TOB2: variants seen among roughly 807,000 people sequenced by gnomAD.
TOB2 encodes protein Tob2.
In TOB2, 3 loss-of-function variants were observed where a neutral mutation model predicts 17.3. The observed-to-expected ratio is 0.17, with a 90% CI of 0.08 to 0.45. The LOEUF is 0.45. Among genes scored for constraint, TOB2 ranks in the 20% least tolerant of loss-of-function variants. The probability of loss-of-function intolerance (pLI) is 0.99; values close to 1 mark genes in which losing one functional copy is unlikely to be tolerated. For missense variants in TOB2, 407 were observed against 445.7 expected, an observed-to-expected ratio of 0.91 and a Z score of 0.78; for synonymous variants, 163 against 185.6, an observed-to-expected ratio of 0.88 and a Z score of 0.99.
intron 1 of TOB2, among the ~76,000 whole-genome samples, chr22:41,440,277 C>A (rs1045381430): frequency 3.4e-5 from 5 of 149,176 alleles, no homozygotes; most frequent in Admixed American, 2.0e-4. Context: ...ACCACCACTC[C>A]TGGCTAATTT....
chr22:41,442,107 A>G (rs1454586437), intron 1 of TOB2, among the ~76,000 whole-genome samples: 1 of 151,688 alleles, frequency 6.6e-6, no homozygotes, highest in South Asian at 2.1e-4. Flanking sequence ...AAAAAAAAAA[A>G]AAAGAAAAAA....
rs549311989 is a variant in TOB2, at chr22:41,436,499, G to A, written c.847C>T (p.Pro283Ser). 2 of 1,613,698 alleles carry A rather than the reference G, an allele frequency of 1.2e-6. No homozygotes were observed. The highest frequency in any genetic ancestry group is 2.2e-5 in the East Asian group (1 of 44,880). The change falls in exon 2 of 2, where the codon CCA becomes TCA. Residue 283 changes from proline (P) to serine (S), a missense_variant. By Grantham distance (74) the Pro-to-Ser change is moderately conservative. Coordinates refer to ENST00000327492, the MANE Select transcript of TOB2 (RefSeq NM_016272.4). This position sits in a 1 kb window ranked among gnomAD's most constrained non-coding sequence, Gnocchi z 4.8. The stretch of plus-strand genomic sequence containing the variant: ...GCCCCACTGCCTCCAAACGGGCCTG[G>A]GGTGCCGCTGCCCTGGCCATCGGCC... ...DAADGQGSGTPGPFGGSGAGT... is the reference protein window; with the variant it reads ...DAADGQGSGTSGPFGGSGAGT...
At chr22:41,439,227 G>C (rs1429482415) in intron 1 of TOB2, among the ~76,000 whole-genome samples, 1 of 152,178 alleles carries the variant, frequency 6.6e-6, no homozygotes, top group African/African-American at 2.4e-5. Flanking sequence ...CCAGACCTCT[G>C]GGCAAGGCTG....
intron 1 of TOB2, among the ~76,000 whole-genome samples, chr22:41,438,371 G>A (rs1463439501): frequency 3.9e-5 from 6 of 152,048 alleles, no homozygotes; most frequent in African/African-American, 1.4e-4. Context: ...GCTCATGCCT[G>A]TAATCCCAGC....
rs1321448662 is a variant in TOB2 at position 41,436,576 on chromosome 22, G to A, written c.770C>T (p.Ala257Val). 3 of 1,610,562 alleles carry A rather than the reference G, an allele frequency of 1.9e-6. No homozygotes were observed. Among genetic ancestry groups the A allele is most frequent in the African/African-American group, 2.7e-5 (2 of 75,030 alleles). Reference protein sequence around the residue: ...PAPQSQLSPNAKEFVYNGGGS... With the variant: ...PAPQSQLSPNVKEFVYNGGGS... ...ACCACCGTTGTACACGAACTCCTTG[G>A]CATTGGGTGAGAGCTGGGACTGAGG... is the stretch of plus-strand genomic sequence containing the variant. The change falls in exon 2 of 2, where the codon GCC becomes GTC. Residue 257 changes from alanine (A) to valine (V), a missense_variant. Transcript: ENST00000327492. The surrounding 1 kb of genome is among the most constrained non-coding windows in gnomAD (Gnocchi z 4.8).
At chr22:41,445,342 C>T (rs990882676) in intron 1 of TOB2, among the ~76,000 whole-genome samples, 2 of 152,208 alleles carry the variant, frequency 1.3e-5, no homozygotes, top group African/African-American at 2.4e-5. Context: ...CTTAATCCTT[C>T]CTCCCACACA....
At position 41,436,309 on chromosome 22, in the gene TOB2, G is replaced by A. The variant is rs2037546063; in HGVS notation, c.*2C>T. The A allele has an allele frequency of 1.3e-6, 2 of 1,554,350 alleles. No homozygotes were observed. The highest frequency in any genetic ancestry group is 1.7e-6 in the Non-Finnish European group (2 of 1,148,840). Reference sequence around the variant, plus strand: ...CTCCTGGCCCCACGGGCAGGTAGATGGTCAGTTGGCCAGCACCACGGGCTG... The same window carrying A: ...CTCCTGGCCCCACGGGCAGGTAGATAGTCAGTTGGCCAGCACCACGGGCTG... On this transcript the variant is annotated 3_prime_UTR_variant, in exon 2 of 2. Transcript: ENST00000327492. This position sits in a 1 kb window ranked among gnomAD's most constrained non-coding sequence, Gnocchi z 4.8.
In TOB2 at chr22:41,434,429, C is replaced by A. The variant is rs2037523205; in HGVS notation, c.*1882G>T. On this transcript the variant is annotated 3_prime_UTR_variant, in exon 2 of 2. Coordinates refer to ENST00000327492, the MANE Select transcript of TOB2 (RefSeq NM_016272.4). ...GAGAAGCTATCTGCTGGGTCTGTCACCTGTGTGGGAGCCGAGGATGAGGGA... is the reference window on the plus strand; with the variant it reads ...GAGAAGCTATCTGCTGGGTCTGTCAACTGTGTGGGAGCCGAGGATGAGGGA... The A allele has an allele frequency of 6.5e-6, 1 of 153,026 alleles. No individual in the cohort carries two copies. The highest frequency in any genetic ancestry group is 2.4e-5 in the African/African-American group (1 of 41,440). 9.5% of individuals were successfully genotyped at this position (153,026 alleles called of 1,614,324 possible).
In TOB2 at chr22:41,435,376, T is replaced by TC. The variant is rs1394082548; in HGVS notation, c.*934dup. The TC allele has an allele frequency of 1.3e-5, 2 of 151,978 alleles. No individual in the cohort carries two copies. The highest frequency in any genetic ancestry group is 2.4e-5 in the African/African-American group (1 of 41,350). The allele number at this position is 151,978 out of a possible 1,614,324, so 9.4% of individuals were successfully genotyped here. Reference sequence around the variant, plus strand: ...AGGACTGCCAATACCCCCAGCCCATTCCCCAGCCTCACATATAAATAAGGA... The same window carrying TC: ...AGGACTGCCAATACCCCCAGCCCATTCCCCCAGCCTCACATATAAATAAGGA... On this transcript the variant is annotated 3_prime_UTR_variant, in exon 2 of 2. Coordinates refer to ENST00000327492, the MANE Select transcript of TOB2 (RefSeq NM_016272.4).
chr22:41,439,970 G>C (rs2037595623), intron 1 of TOB2, among the ~76,000 whole-genome samples: 1 of 152,150 alleles, frequency 6.6e-6, no homozygotes, highest in African/African-American at 2.4e-5. Flanking sequence ...TCACATGGGA[G>C]TCAGCAGAGG....
At position 41,436,520 on chromosome 22, in the gene TOB2, C is replaced by T. The variant is rs373110056; in HGVS notation, c.826G>A (p.Asp276Asn). The T allele has an allele frequency of 7.4e-5, 120 of 1,611,906 alleles. No individual in the cohort carries two copies. The highest frequency in any genetic ancestry group is 9.2e-5 in the Non-Finnish European group (109 of 1,179,014). The change falls in exon 2 of 2, where the codon GAT becomes AAT. Residue 276 changes from aspartate (D) to asparagine (N), a missense_variant. Coordinates refer to ENST00000327492, the MANE Select transcript of TOB2 (RefSeq NM_016272.4). The surrounding 1 kb of genome is among the most constrained non-coding windows in gnomAD (Gnocchi z 4.8). ...GSPSLFFDAA[D>N]GQGSGTPGPF... ...CCTGGGGTGCCGCTGCCCTGGCCAT[C>T]GGCCGCATCAAAGAAGAGGCTGGGT...
intron 1 of TOB2, among the ~76,000 whole-genome samples, chr22:41,438,296 G>A (rs2037575926): frequency 6.6e-6 from 1 of 152,124 alleles, no homozygotes; most frequent in East Asian, 1.9e-4. Flanking sequence ...CCCCATGGGT[G>A]TGTATGCTGT....
chr22:41,445,738 T>C (rs2037677182), intron 1 of TOB2, among the ~76,000 whole-genome samples: 1 of 152,198 alleles, frequency 6.6e-6, no homozygotes, highest in African/African-American at 2.4e-5. Flanking sequence ...ATCCACTCAC[T>C]GGCACTGCTC....
chr22:41,442,362 A>G (rs918558026), intron 1 of TOB2, among the ~76,000 whole-genome samples: 3 of 152,170 alleles, frequency 2.0e-5, no homozygotes, highest in Non-Finnish European at 4.4e-5. Context: ...ACTCCTGAAC[A>G]GTTCGGCCTC....
chr22:41,446,140 C>G (rs957092362), intron 1 of TOB2, among the ~76,000 whole-genome samples: 1 of 152,122 alleles, frequency 6.6e-6, no homozygotes, highest in African/African-American at 2.4e-5. Context: ...ACTCTTGGAA[C>G]TGGGAGAAAA....
rs1443234757 is a variant in TOB2 at position 41,433,964 on chromosome 22, A to C, written c.*2347T>G. 1 of 236,696 alleles carries C rather than the reference A, an allele frequency of 4.2e-6. No homozygotes were observed. The highest frequency in any genetic ancestry group is 5.5e-5 in the South Asian group (1 of 18,250). 14.7% of individuals were successfully genotyped at this position (236,696 alleles called of 1,614,324 possible). On this transcript the variant is annotated 3_prime_UTR_variant, in exon 2 of 2. Transcript: ENST00000327492. ...AAAATATGTTTCTCTCATCTTTTTA[A>C]GAAAAAATCTTGAAAAGAAAAAAAT...
rs1489904446 is a variant in TOB2 at position 41,436,667 on chromosome 22, G to C, written c.679C>G (p.Leu227Val). 1 of 1,614,082 alleles carries C rather than the reference G, an allele frequency of 6.2e-7. No individual in the cohort carries two copies. The highest frequency in any genetic ancestry group is 8.5e-7 in the Non-Finnish European group (1 of 1,180,016). Reference protein sequence around the residue: ...PRMARSPTNSLLKHKSLSLSM... With the variant: ...PRMARSPTNSVLKHKSLSLSM... ...AGAGAGAGGCTCTTGTGCTTCAGCA[G>C]GCTGTTGGTGGGTGAGCGGGCCATG... Residue 227 changes from leucine (L) to valine (V), a missense_variant, in exon 2 of 2, where the codon CTG becomes GTG. Coordinates refer to ENST00000327492, the MANE Select transcript of TOB2 (RefSeq NM_016272.4). This position sits in a 1 kb window ranked among gnomAD's most constrained non-coding sequence, Gnocchi z 4.8.
rs1258482737 is a variant in TOB2, at chr22:41,446,476, CCCGGGCGTCG to C, written c.-170_-161del. On this transcript the variant is annotated 5_prime_UTR_variant, in exon 1 of 2. Transcript: ENST00000327492. ...GGGCGGAGGTCGCTCTCCTTTCCTT[CCCGGGCGTCG>C]CCGGGCCAGGGGACCGAAGTCCTTT... The C allele has an allele frequency of 3.9e-5, 6 of 152,566 alleles. No individual in the cohort carries two copies. In the South Asian group the frequency reaches 6.2e-4, roughly 16 times the overall value. 9.5% of individuals were successfully genotyped at this position (152,566 alleles called of 1,614,324 possible).
chr22:41,444,916 C>T (rs900771218), intron 1 of TOB2, among the ~76,000 whole-genome samples: 2 of 152,148 alleles, frequency 1.3e-5, no homozygotes, highest in Non-Finnish European at 2.9e-5. Context: ...AGGGCCTGGG[C>T]GGTCCGTGTG....
Sources: gnomAD v4.1 joint callset for allele counts (sites outside exome capture counted in the v4.1 genomes callset) on GRCh38, gnomAD v4.1.1 for gene constraint, Gnocchi (gnomAD v3.1) non-coding constraint, MANE v1.5 for transcripts, NCBI Gene and HGNC (gene_info 2026-07-23, HGNC 2026-07-21) for gene names.